NPL: variants seen among roughly 807,000 people sequenced by gnomAD.
The protein encoded by NPL is N-acetylneuraminate lyase.
NPL carries 32 observed loss-of-function variants against 41.1 expected under a neutral mutation model. The ratio of observed to expected loss-of-function variants is 0.78; its 90% confidence interval spans 0.59 to 1.05. The LOEUF (loss-of-function observed/expected upper bound fraction) is 1.05, where lower values mean the gene tolerates loss of function less well. Among genes scored for constraint, NPL ranks in the 50% least tolerant of loss-of-function variants. The pLI, the probability that NPL is intolerant of heterozygous loss-of-function variation, is 0.00. For synonymous variants in NPL, 128 were observed against 134.9 expected, an observed-to-expected ratio of 0.95 and a Z score of 0.35; for missense variants, 321 against 378.4, an observed-to-expected ratio of 0.85 and a Z score of 1.26.
intron 3 of NPL, among the ~76,000 whole-genome samples, chr1:182,798,510 G>A (rs1436900246): frequency 6.6e-6 from 1 of 152,168 alleles, no homozygotes; most frequent in Non-Finnish European, 1.5e-5. Flanking sequence ...TTACAGGCAT[G>A]AGCAGCTGCG....
chr1:182,820,908 T>G (rs1412082825), intron 10 of NPL, among the ~76,000 whole-genome samples: 1 of 152,182 alleles, frequency 6.6e-6, no homozygotes, highest in Non-Finnish European at 1.5e-5. Context: ...GCCTGGAAAT[T>G]CTTTCTTTTT....
rs1251350620 is a variant in NPL, at chr1:182,799,715, T to C, written c.69-3983T>C. Reference sequence around the variant, plus strand: ...GAGTTTGAGGCCAGCCTAGACAACATAGCAAGACCCTGTCTCCAAAAAAAA... The same window carrying C: ...GAGTTTGAGGCCAGCCTAGACAACACAGCAAGACCCTGTCTCCAAAAAAAA... On this transcript the variant is annotated intron_variant, in intron 3 of 12. Coordinates refer to ENST00000367553, the MANE Select transcript of NPL (RefSeq NM_030769.3). Among the ~76,000 whole-genome samples the C allele has an allele frequency of 2.8e-5, 3 of 105,624 alleles. No homozygotes were observed. In the East Asian group the frequency reaches 8.2e-4, roughly 29 times the overall value. The allele number at this position is 105,624 out of a possible 152,430, so 69.3% of individuals were successfully genotyped here.
chr1:182,829,126 AT>A lies in NPL; in HGVS notation c.*225del, dbSNP rs1196334865. On this transcript the variant is annotated 3_prime_UTR_variant, in exon 13 of 13. Transcript: ENST00000367553. ...CAACTCTCAGTCATTCATTTCACAG[AT>A]TTTTTTGTGGAGAAATTTCTGTTTA... The A allele has an allele frequency of 1.5e-6, 2 of 1,379,142 alleles. No homozygotes were observed. Among genetic ancestry groups the A allele is most frequent in the Admixed American group, 3.3e-5 (1 of 30,460 alleles). The allele number at this position is 1,379,142 out of a possible 1,614,324, so 85.4% of individuals were successfully genotyped here.
chr1:182,818,584 C>T lies in NPL; in HGVS notation c.501C>T (p.Pro167=). 1 of 1,614,168 alleles carries T rather than the reference C, an allele frequency of 6.2e-7. No individual in the cohort carries two copies. Among genetic ancestry groups the T allele is most frequent in the Non-Finnish European group, 8.5e-7 (1 of 1,180,020 alleles). Residue 167 remains proline (P), a synonymous_variant, in exon 9 of 13, where the codon CCC becomes CCT. Transcript: ENST00000367553. Reference sequence around the variant, plus strand: ...TGGATGGGATTCTGGATAAGATCCCCACCTTCCAAGGGCTGAAATTCAGTG... The same window carrying T: ...TGGATGGGATTCTGGATAAGATCCCTACCTTCCAAGGGCTGAAATTCAGTG... ...ELLDGILDKI[P]TFQGLKFSDT...
chr1:182,827,856 A>G (rs1307115204), intron 12 of NPL, among the ~76,000 whole-genome samples: 1 of 152,128 alleles, frequency 6.6e-6, no homozygotes, highest in Non-Finnish European at 1.5e-5. Flanking sequence ...TTTTCTGGGT[A>G]ACCCATTGAA....
intron 6 of NPL, among the ~76,000 whole-genome samples, chr1:182,812,577 G>A (rs577597706): frequency 3.3e-5 from 5 of 152,314 alleles, no homozygotes; most frequent in Admixed American, 1.3e-4. Flanking sequence ...GTAAAGGCTT[G>A]AAGAATGGCA....
chr1:182,829,754 G>T lies in NPL; in HGVS notation c.*846G>T. On this transcript the variant is annotated 3_prime_UTR_variant, in exon 13 of 13. Transcript: ENST00000367553. Reference sequence around the variant, plus strand: ...CTTCCTTTCTGCAGTGAGCCCAGGGGCTAATGTTATTATCCTGTCACACTT... The same window carrying T: ...CTTCCTTTCTGCAGTGAGCCCAGGGTCTAATGTTATTATCCTGTCACACTT... 2 of 915,550 alleles carry T rather than the reference G, an allele frequency of 2.2e-6. No homozygotes were observed. The highest frequency in any genetic ancestry group is 3.5e-6 in the Non-Finnish European group (2 of 578,382). The allele number at this position is 915,550 out of a possible 1,614,324, so 56.7% of individuals were successfully genotyped here.
intron 11 of NPL, among the ~76,000 whole-genome samples, chr1:182,823,220 ATGGT>A (rs1667537692): frequency 6.6e-6 from 1 of 152,194 alleles, no homozygotes; most frequent in African/African-American, 2.4e-5. Flanking sequence ...ATTGGAGCAA[ATGGT>A]TGGTCCTAAT....
chr1:182,794,302 T>TGACA, intron 2 of NPL, 54 bp from the exon 3 acceptor site: 3 of 1,476,204 alleles, frequency 2.0e-6, no homozygotes, highest in Non-Finnish European at 2.8e-6. Context: ...GCCTGGGAGT[T>TGACA]TTATCATTGA....
intron 11 of NPL, among the ~76,000 whole-genome samples, chr1:182,825,195 T>C (rs574465467): frequency 2.6e-5 from 4 of 152,322 alleles, no homozygotes; most frequent in East Asian, 3.9e-4. Context: ...AATACTGATA[T>C]TTTGATTTGT....
chr1:182,805,026 C>A (rs946465738), intron 4 of NPL, among the ~76,000 whole-genome samples: 2 of 152,244 alleles, frequency 1.3e-5, no homozygotes, highest in East Asian at 3.8e-4. Context: ...CCCAACCTCC[C>A]TTCTTCCAAC....
At chr1:182,812,414 A>C (rs1667203380) in intron 6 of NPL, among the ~76,000 whole-genome samples, 1 of 152,172 alleles carries the variant, frequency 6.6e-6, no homozygotes. Flanking sequence ...TGACTGTAGG[A>C]TAGGAGATGG....
At chr1:182,798,283 A>G (rs1012086458) in intron 3 of NPL, among the ~76,000 whole-genome samples, 2 of 143,770 alleles carry the variant, frequency 1.4e-5, no homozygotes, top group Admixed American at 7.3e-5. Context: ...GCGGGAGTGC[A>G]GTGGCACAAT....
intron 12 of NPL, 76 bp downstream of exon 12, chr1:182,825,896 G>A (rs1571280312): frequency 9.1e-7 from 1 of 1,095,288 alleles, no homozygotes; most frequent in Non-Finnish European, 1.4e-6. Flanking sequence ...CTTTCTCTGA[G>A]GGTTCAACAA....
At chr1:182,822,991 C>G (rs1378083400) in intron 11 of NPL, among the ~76,000 whole-genome samples, 2 of 152,220 alleles carry the variant, frequency 1.3e-5, no homozygotes, top group African/African-American at 4.8e-5. Flanking sequence ...GCCTCAGCCT[C>G]CTGAGTAGCT....
At chr1:182,815,315 T>C (rs1667292602) in intron 7 of NPL, among the ~76,000 whole-genome samples, 1 of 152,254 alleles carries the variant, frequency 6.6e-6, no homozygotes, top group Non-Finnish European at 1.5e-5. Flanking sequence ...AAAGTATTGC[T>C]TTCTCTTTCT....
At chr1:182,824,624 C>T (rs12083301) in intron 11 of NPL, among the ~76,000 whole-genome samples, 4,974 of 151,974 alleles carry the variant, frequency 0.033, 193 homozygotes, top group African/African-American at 0.089. Flanking sequence ...GGCAAAACCC[C>T]GTCTCTACTA....
chr1:182,818,481 A>G, intron 8 of NPL, 60 bp from the exon 9 acceptor site: 1 of 1,600,532 alleles, frequency 6.2e-7, no homozygotes. Flanking sequence ...GCATGACACT[A>G]TATGAGATGT....
intron 1 of NPL, among the ~76,000 whole-genome samples, chr1:182,790,679 T>C (rs1441180574): frequency 6.6e-6 from 1 of 152,142 alleles, no homozygotes; most frequent in Non-Finnish European, 1.5e-5. Context: ...GTCTCGCTCT[T>C]GTCGCCCAGG....
Sources: gnomAD v4.1 joint callset for allele counts (sites outside exome capture counted in the v4.1 genomes callset) on GRCh38, gnomAD v4.1.1 for gene constraint, MANE v1.5 for transcripts, NCBI Gene and HGNC (gene_info 2026-07-23, HGNC 2026-07-21) for gene names.